The following PLD5 variants were observed in gnomAD, a reference collection of about 807,000 sequenced individuals.
PLD5 encodes the protein inactive phospholipase D5.
Under a neutral mutation model 61.1 loss-of-function variants are expected in PLD5, and 36 were observed. That is an observed-to-expected ratio of 0.59 (90% confidence interval 0.45 to 0.78). PLD5 has a LOEUF of 0.78. Among genes scored for constraint, PLD5 ranks in the 30% least tolerant of loss-of-function variants. The pLI is 0.00. For synonymous variants in PLD5, 243 were observed against 242.8 expected (o/e 1.00, Z -0.01); for missense variants, 515 against 644.4 (o/e 0.80, Z 2.17).
At chr1:242,295,331 C>T (rs4079450) in intron 2 of PLD5, among the ~76,000 whole-genome samples, 37,470 of 146,002 alleles carry the variant, frequency 0.26, 5,544 homozygotes, top group Middle Eastern at 0.39. Flanking sequence ...TATTTCCATC[C>T]GTATGTCCTT....
At chr1:242,331,297 C>G (rs147004721) in intron 2 of PLD5, among the ~76,000 whole-genome samples, 1 of 152,176 alleles carries the variant, frequency 6.6e-6, no homozygotes, top group Non-Finnish European at 1.5e-5. Context: ...CACCCCTGGA[C>G]AGCAGCAAAA....
At chr1:242,464,029 C>G (rs1480408795) in intron 1 of PLD5, among the ~76,000 whole-genome samples, 2 of 152,126 alleles carry the variant, frequency 1.3e-5, no homozygotes, top group Non-Finnish European at 2.9e-5. Context: ...GGCCTCCACG[C>G]TGCCAAGTCC....
At chr1:242,323,122 C>A (rs1199721290) in intron 2 of PLD5, among the ~76,000 whole-genome samples, 2 of 151,448 alleles carry the variant, frequency 1.3e-5, no homozygotes, top group African/African-American at 2.4e-5. Context: ...CATAAATCTT[C>A]ACGAAAAAAG....
Position 242,087,751 on chromosome 1 carries a change from C to T in PLD5, c.*2103G>A, listed in dbSNP as rs1234562534. On this transcript the variant is annotated 3_prime_UTR_variant, in exon 10 of 10. Transcript: ENST00000536534. ...TGAGCCACCGCACCCAGGCTGCTTT[C>T]TTTTTAAAATCATCACCAAAGCCAC... 1 of 152,190 alleles carries T rather than the reference C, an allele frequency of 6.6e-6. No homozygotes were observed. Among genetic ancestry groups the T allele is most frequent in the Non-Finnish European group, 1.5e-5 (1 of 68,032 alleles). The allele number at this position is 152,190 out of a possible 1,614,324, so 9.4% of individuals were successfully genotyped here.
intron 5 of PLD5, among the ~76,000 whole-genome samples, chr1:242,164,446 G>GTCT (rs1666152765): frequency 6.6e-6 from 1 of 151,808 alleles, no homozygotes; most frequent in Non-Finnish European, 1.5e-5. Context: ...AGCATGACCA[G>GTCT]TCTCCAGATT....
intron 1 of PLD5, among the ~76,000 whole-genome samples, chr1:242,407,561 GT>G (rs58679212): frequency 0.42 from 54,451 of 130,224 alleles, 10,180 homozygotes; most frequent in African/African-American, 0.51. Flanking sequence ...TGGTTGTTTT[GT>G]TTTTTTTTTT....
rs375607484 is a variant in PLD5 at position 242,462,586 on chromosome 1, CT to C, written c.189+61501del. On this transcript the variant is annotated intron_variant, in intron 1 of 9. Transcript: ENST00000536534. ...GTAAAAAATCTGCACATGGACCCCC[CT>C]GTATCTAAAATAAAAGTTGAAATAA... Among the ~76,000 whole-genome samples the C allele has an allele frequency of 9.6e-3, 1,438 of 149,088 alleles. 13 individuals carry two copies. The highest frequency in any genetic ancestry group is 0.015 in the Non-Finnish European group (1,022 of 67,654).
At chr1:242,451,293 C>T (rs1186301548) in intron 1 of PLD5, among the ~76,000 whole-genome samples, 1 of 152,090 alleles carries the variant, frequency 6.6e-6, no homozygotes, top group Admixed American at 6.5e-5. Flanking sequence ...CAACTTACAG[C>T]AATTTATCTT....
intron 1 of PLD5, among the ~76,000 whole-genome samples, chr1:242,402,377 G>A (rs61845870): frequency 0.14 from 22,031 of 151,962 alleles, 1,698 homozygotes; most frequent in African/African-American, 0.2. Context: ...ATGATTTCTT[G>A]TGCATTATAA....
chr1:242,113,848 C>T (rs769926650), intron 7 of PLD5, 42 bp downstream of exon 7: 6 of 1,592,730 alleles, frequency 3.8e-6, no homozygotes, highest in East Asian at 4.5e-5. Flanking sequence ...AGTGCCTGGT[C>T]TTAGGGACTG....
chr1:242,321,561 T>G (rs1037160177), intron 2 of PLD5, among the ~76,000 whole-genome samples: 18 of 152,166 alleles, frequency 1.2e-4, no homozygotes, highest in African/African-American at 4.3e-4. Flanking sequence ...CACCTTGGCC[T>G]CCCAAAGTGC....
At chr1:242,406,027 GC>G (rs1368236140) in intron 1 of PLD5, among the ~76,000 whole-genome samples, 2 of 152,140 alleles carry the variant, frequency 1.3e-5, no homozygotes, top group Non-Finnish European at 2.9e-5. Context: ...TTCTCTCACT[GC>G]TTTCTTTTAT....
chr1:242,415,996 T>G (rs1664816468), intron 1 of PLD5, among the ~76,000 whole-genome samples: 2 of 152,134 alleles, frequency 1.3e-5, no homozygotes, highest in Admixed American at 1.3e-4. Context: ...AACCTAAATG[T>G]GTATGTACTT....
chr1:242,168,630 G>C (rs1255346430), intron 5 of PLD5, among the ~76,000 whole-genome samples: 1 of 152,128 alleles, frequency 6.6e-6, no homozygotes, highest in African/African-American at 2.4e-5. Flanking sequence ...TACCACTGAT[G>C]ATATGCAAAC....
intron 1 of PLD5, among the ~76,000 whole-genome samples, chr1:242,421,817 C>T (rs140747525): frequency 2.6e-4 from 40 of 152,254 alleles, no homozygotes; most frequent in African/African-American, 9.4e-4. Context: ...ATTAAAGGAG[C>T]TCAACTTTAA....
chr1:242,449,086 C>T (rs911262276), intron 1 of PLD5, among the ~76,000 whole-genome samples: 3 of 152,182 alleles, frequency 2.0e-5, no homozygotes, highest in Non-Finnish European at 2.9e-5. Flanking sequence ...CTGAGGTCAC[C>T]GTAGGACTGT....
At chr1:242,432,366 T>C (rs1665765885) in intron 1 of PLD5, among the ~76,000 whole-genome samples, 1 of 152,164 alleles carries the variant, frequency 6.6e-6, no homozygotes, top group Admixed American at 6.5e-5. Context: ...AAAACGAGCT[T>C]AGACAAGGCT....
Position 242,265,687 on chromosome 1 carries a change from A to C in PLD5, c.496-239T>G, listed in dbSNP as rs553109304. ...ATTGTGCAATTGAACAATTATTGCA[A>C]TAAGAATTCCAATGCTACAATGCAA... On this transcript the variant is annotated intron_variant, in intron 3 of 9. Transcript: ENST00000536534. Among the ~76,000 whole-genome samples, 11 of 152,328 alleles carry C rather than the reference A, an allele frequency of 7.2e-5. No individual in the cohort carries two copies. The East Asian group carries it at 1.9e-3, about 27-fold the overall frequency.
At position 242,133,982 on chromosome 1, in the gene PLD5, G is replaced by C. The variant is rs141326367; in HGVS notation, c.736-9317C>G. 3.4e-4 allele frequency among the ~76,000 whole-genome samples: 52 copies of C among 152,302 alleles called. No individual in the cohort carries two copies. In the East Asian group the frequency reaches 0.01, roughly 29 times the overall value. On this transcript the variant is annotated intron_variant, in intron 5 of 9. Coordinates refer to ENST00000536534, the MANE Select transcript of PLD5 (RefSeq NM_001372062.1). ...CATCGTGGCTCCTCCTGACCTTCCT[G>C]CTTTCTGTCGTCTTAGCTTCTTAAT... is the stretch of plus-strand genomic sequence containing the variant.
Sources: gnomAD v4.1 joint callset for allele counts (sites outside exome capture counted in the v4.1 genomes callset) on GRCh38, gnomAD v4.1.1 for gene constraint, MANE v1.5 for transcripts, NCBI Gene and HGNC (gene_info 2026-07-23, HGNC 2026-07-21) for gene names.